The following MYCBP2 variants were observed in gnomAD, a reference collection of about 807,000 sequenced individuals.
The protein encoded by MYCBP2 is MYC binding protein 2.
In MYCBP2, 120 loss-of-function variants were observed where a neutral mutation model predicts 525.3. That is an observed-to-expected ratio of 0.23 (90% CI 0.20 to 0.27). MYCBP2 has a LOEUF of 0.27. Among genes scored for constraint, MYCBP2 ranks in the 10% least tolerant of loss-of-function variants. The pLI is 1.00. For synonymous variants in MYCBP2, 1,894 were observed against 1,955.8 expected (o/e 0.97, Z 0.83); for missense variants, 4,149 against 5,657.1 (o/e 0.73, Z 8.55).
intron 20 of MYCBP2, among the ~76,000 whole-genome samples, chr13:77,218,223 A>C (rs2065082413): frequency 6.6e-6 from 1 of 152,168 alleles, no homozygotes; most frequent in Admixed American, 6.5e-5. Context: ...ATTTCTGAAA[A>C]ACTGGTGCTA....
chr13:77,059,531 C>G lies in MYCBP2; in HGVS notation c.13132G>C (p.Asp4378His). Residue 4378 changes from aspartate to histidine, a missense_variant, in exon 77 of 83, where the codon GAT (aspartate) becomes CAT (histidine). This residue lies in a region of MYCBP2 where 220 missense variants were observed against 396.0 expected (regional missense o/e 0.56). Transcript: ENST00000544440. Reference protein sequence around the residue: ...SAVGSVCSDADCQEYAKIACS... With the variant: ...SAVGSVCSDAHCQEYAKIACS... ...TGTCACTATATACTCACCTGGCAAT[C>G]TGCATCAGAACAAACACTGCCAACA... 6.2e-7 allele frequency: 1 copy of G among 1,613,098 alleles called. No homozygotes were observed. Among genetic ancestry groups the G allele is most frequent in the South Asian group, 1.1e-5 (1 of 91,020 alleles).
chr13:77,198,542 A>G (rs145156333), intron 26 of MYCBP2, among the ~76,000 whole-genome samples: 75 of 152,362 alleles, frequency 4.9e-4, no homozygotes, highest in African/African-American at 1.8e-3. Context: ...GGCAGAAACT[A>G]TAGTTTTCTC....
At position 77,190,272 on chromosome 13, in the gene MYCBP2, C is replaced by G; in HGVS notation, c.4134G>C (p.Gln1378His). The change falls in exon 29 of 83, where the codon CAG (glutamine) becomes CAC (histidine). Residue 1378 changes from glutamine to histidine, a missense_variant. This residue lies in a region of MYCBP2 where 3 missense variants were observed against 18.4 expected (regional missense o/e 0.16). Coordinates refer to ENST00000544440, the MANE Select transcript of MYCBP2 (RefSeq NM_015057.5). The part of the protein sequence containing the change: ...SNNGTDVNAG[Q>H]IPQLLYRLPT... ...AATACCTGTATAATAACTGAGGTATCTGACCCGCATTAACATCTGTACCAT... is the reference window on the plus strand; with the variant it reads ...AATACCTGTATAATAACTGAGGTATGTGACCCGCATTAACATCTGTACCAT... 2 of 1,606,314 alleles carry G rather than the reference C, an allele frequency of 1.2e-6. No individual in the cohort carries two copies. The highest frequency in any genetic ancestry group is 1.7e-6 in the Non-Finnish European group (2 of 1,174,376).
intron 17 of MYCBP2, among the ~76,000 whole-genome samples, chr13:77,239,671 T>C (rs986441345): frequency 5.9e-5 from 9 of 152,194 alleles, no homozygotes; most frequent in Admixed American, 2.0e-4. Flanking sequence ...CCCAGTTTTT[T>C]GTTTCAGTAG....
At chr13:77,198,154 TAAAGCAGTTGC>T (rs1236824863) in intron 26 of MYCBP2, among the ~76,000 whole-genome samples, 8 of 152,214 alleles carry the variant, frequency 5.3e-5, no homozygotes, top group African/African-American at 1.9e-4. Context: ...ATAACCATTT[TAAAGCAGTTGC>T]ACTGAAATGA....
chr13:77,306,913 T>C (rs963140859), intron 1 of MYCBP2, among the ~76,000 whole-genome samples: 2 of 152,082 alleles, frequency 1.3e-5, no homozygotes, highest in Non-Finnish European at 2.9e-5. Flanking sequence ...GTGTATCAAA[T>C]TTAAAGAAAT....
At position 77,083,314 on chromosome 13, in the gene MYCBP2, T is replaced by C. The variant is rs960145179; in HGVS notation, c.10876-122A>G. 19 of 823,700 alleles carry C rather than the reference T, an allele frequency of 2.3e-5. No individual in the cohort carries two copies. The African/African-American group carries it at 2.8e-4, about 12-fold the overall frequency. 51.0% of individuals were successfully genotyped at this position (823,700 alleles called of 1,614,324 possible). A position where few individuals can be genotyped will look rare whatever the true frequency, so the allele number is the denominator to read the frequency against. ...CAGAAATACAAACAACAAAACCAAATTGTACCCAGAAAGATACAGTAATTT... is the reference window on the plus strand; with the variant it reads ...CAGAAATACAAACAACAAAACCAAACTGTACCCAGAAAGATACAGTAATTT... On this transcript the variant is annotated intron_variant, in intron 62 of 82. Coordinates refer to ENST00000544440, the MANE Select transcript of MYCBP2 (RefSeq NM_015057.5).
intron 10 of MYCBP2, among the ~76,000 whole-genome samples, chr13:77,262,358 A>T (rs1165019643): frequency 1.3e-5 from 2 of 152,034 alleles, no homozygotes; most frequent in Admixed American, 6.6e-5. Flanking sequence ...TACCAAATTA[A>T]TTTTTTAAAT....
At chr13:77,243,403 A>T (rs2069231966) in intron 16 of MYCBP2, among the ~76,000 whole-genome samples, 1 of 152,214 alleles carries the variant, frequency 6.6e-6, no homozygotes, top group Non-Finnish European at 1.5e-5. Context: ...ACCTGAGGTC[A>T]GGAGTTCAAG....
rs183492377 is a variant in MYCBP2, at chr13:77,309,853, C to A, written c.303-13179G>T. Among the ~76,000 whole-genome samples, 706 of 152,280 alleles carry A rather than the reference C, an allele frequency of 4.6e-3. 2 individuals carry two copies. Among genetic ancestry groups the A allele is most frequent in the African/African-American group, 0.015 (617 of 41,554 alleles). On this transcript the variant is annotated intron_variant, in intron 1 of 82. Transcript: ENST00000544440. ...GATTGGCTGGGCGCAGTGGCTCACG[C>A]CTGTAATCTCAGTACTTTGGGAGGT...
intron 66 of MYCBP2, 63 bp from the exon 67 acceptor site, chr13:77,077,450 A>G: frequency 6.3e-7 from 1 of 1,579,490 alleles, no homozygotes. Context: ...ACTGTGCTGG[A>G]CTTAGCATTG....
At chr13:77,191,914 T>C in intron 27 of MYCBP2, 101 bp from the exon 28 acceptor site, 5 of 1,131,758 alleles carry the variant, frequency 4.4e-6, no homozygotes, top group Non-Finnish European at 6.3e-6. Flanking sequence ...TGAAACTAAC[T>C]GTATTATAAA....
intron 21 of MYCBP2, among the ~76,000 whole-genome samples, chr13:77,213,834 C>T (rs187566867): frequency 6.6e-6 from 1 of 152,334 alleles, no homozygotes; most frequent in Admixed American, 6.5e-5. Context: ...GTGACTCAAA[C>T]CTTCAGCAGT....
intron 17 of MYCBP2, 44 bp from the exon 18 acceptor site, chr13:77,233,307 T>C (rs762965293): frequency 6.5e-6 from 9 of 1,389,544 alleles, no homozygotes; most frequent in East Asian, 4.6e-5. Flanking sequence ...ACTCACAAAA[T>C]GAAAACACTA....
intron 51 of MYCBP2, 56 bp downstream of exon 51, chr13:77,139,991 A>C: frequency 8.2e-7 from 1 of 1,215,274 alleles, no homozygotes; most frequent in Admixed American, 2.2e-5. Flanking sequence ...TATTATGCAA[A>C]CAATGCAAAA....
chr13:77,228,636 T>C (rs1316980182), intron 18 of MYCBP2, among the ~76,000 whole-genome samples: 2 of 151,956 alleles, frequency 1.3e-5, no homozygotes, highest in Non-Finnish European at 2.9e-5. Flanking sequence ...GTGAATAATC[T>C]TATAATTGGC....
At chr13:77,257,956 G>A in intron 13 of MYCBP2, 127 bp from the exon 14 acceptor site, 2 of 683,060 alleles carry the variant, frequency 2.9e-6, no homozygotes, top group South Asian at 5.1e-5. Flanking sequence ...GAAATAAGTA[G>A]CCAAAAGACT....
intron 33 of MYCBP2, 137 bp downstream of exon 33, chr13:77,181,564 G>C: frequency 2.0e-6 from 1 of 493,378 alleles, no homozygotes; most frequent in Non-Finnish European, 3.5e-6. Context: ...CTTAAAAATA[G>C]AGAAGAATAA....
intron 26 of MYCBP2, among the ~76,000 whole-genome samples, chr13:77,200,024 G>A (rs944923703): frequency 5.9e-5 from 9 of 152,198 alleles, no homozygotes; most frequent in Admixed American, 2.0e-4. Flanking sequence ...CACCAGCAAC[G>A]GAACAAAGCT....
Sources: gnomAD v4.1 joint callset for allele counts (sites outside exome capture counted in the v4.1 genomes callset) on GRCh38, gnomAD v4.1.1 for gene constraint, gnomAD v4.1.1 regional missense constraint, MANE v1.5 for transcripts, NCBI Gene and HGNC (gene_info 2026-07-23, HGNC 2026-07-21) for gene names.